Variants in PDZD8 observed in about 807,000 individuals in gnomAD.
The protein encoded by PDZD8 is PDZ domain-containing protein 8.
PDZD8 carries 14 observed loss-of-function variants against 85.8 expected under a neutral mutation model. The observed-to-expected ratio is 0.16, with a 90% CI of 0.11 to 0.26. The LOEUF is 0.26. PDZD8 is among the 10% of genes least tolerant of loss of function. PDZD8 has a pLI of 1.00. For missense variants in PDZD8, 1,197 were observed against 1,424.3 expected (o/e 0.84, Z 2.57); for synonymous variants, 592 against 568.6 (o/e 1.04, Z -0.59).
At chr10:117,332,445 A>G (rs1212910902) in intron 2 of PDZD8, among the ~76,000 whole-genome samples, 1 of 150,842 alleles carries the variant, frequency 6.6e-6, no homozygotes, top group Admixed American at 6.6e-5. Flanking sequence ...CAAAACCTAC[A>G]CTTCTAACAT....
Position 117,302,651 on chromosome 10 carries a change from G to C in PDZD8, c.1099-12303C>G, listed in dbSNP as rs79294935. Reference sequence around the variant, plus strand: ...CCTTGGTATCTGATATGGTTTGGCTGTGTCCCCACCCAAATCTCAACTTGA... The same window carrying C: ...CCTTGGTATCTGATATGGTTTGGCTCTGTCCCCACCCAAATCTCAACTTGA... On this transcript the variant is annotated intron_variant, in intron 3 of 4. Coordinates refer to ENST00000334464, the MANE Select transcript of PDZD8 (RefSeq NM_173791.5). 9.2e-5 allele frequency among the ~76,000 whole-genome samples: 14 copies of C among 152,200 alleles called. No individual in the cohort carries two copies. In the East Asian group the frequency reaches 2.7e-3, roughly 29 times the overall value.
chr10:117,350,255 TGTTTGTTTGTTTC>T (rs1564709189), intron 1 of PDZD8, among the ~76,000 whole-genome samples: 3 of 140,398 alleles, frequency 2.1e-5, no homozygotes, highest in Non-Finnish European at 4.5e-5. Context: ...CTGTTTTTTT[TGTTTGTTTGTTTC>T]TTTTTTTTTT....
Position 117,278,083 on chromosome 10 carries a change from A to C in PDZD8, c.*5185T>G, listed in dbSNP as rs1844524841. ...AAAATTGAGGGTACATGTACCTTAT[A>C]CTGTCAAGGTTGTTTAAACATGATA... On this transcript the variant is annotated 3_prime_UTR_variant, in exon 5 of 5. Coordinates refer to ENST00000334464, the MANE Select transcript of PDZD8 (RefSeq NM_173791.5). 6.6e-6 allele frequency: 1 copy of C among 152,194 alleles called. No individual in the cohort carries two copies. The highest frequency in any genetic ancestry group is 2.4e-5 in the African/African-American group (1 of 41,456). The allele number at this position is 152,194 out of a possible 1,614,324, so 9.4% of individuals were successfully genotyped here.
chr10:117,351,248 AC>A (rs1369498189), intron 1 of PDZD8, among the ~76,000 whole-genome samples: 3 of 152,192 alleles, frequency 2.0e-5, no homozygotes, highest in Non-Finnish European at 4.4e-5. Context: ...TAACAACACT[AC>A]CCATCAACAA....
At position 117,282,570 on chromosome 10, in the gene PDZD8, T is replaced by G. The variant is rs1202894972; in HGVS notation, c.*698A>C. 6.6e-6 allele frequency: 1 copy of G among 152,150 alleles called. No individual in the cohort carries two copies. The highest frequency in any genetic ancestry group is 6.5e-5 in the Admixed American group (1 of 15,272). The allele number at this position is 152,150 out of a possible 1,614,324, so 9.4% of individuals were successfully genotyped here. A position where few individuals can be genotyped will look rare whatever the true frequency, so the allele number is the denominator to read the frequency against. ...TAAGCTCTTCAAATTAATCACCATA[T>G]TTTTACCATACAGCTGCACAAAAGC... On this transcript the variant is annotated 3_prime_UTR_variant, in exon 5 of 5. Transcript: ENST00000334464.
chr10:117,314,760 T>G (rs1306422681), intron 3 of PDZD8, among the ~76,000 whole-genome samples: 2 of 152,192 alleles, frequency 1.3e-5, no homozygotes, highest in Non-Finnish European at 2.9e-5. Flanking sequence ...CCTCTCCATT[T>G]CAAAAGAGGA....
chr10:117,327,169 A>AT, intron 2 of PDZD8, among the ~76,000 whole-genome samples: 1 of 152,332 alleles, frequency 6.6e-6, no homozygotes, highest in Non-Finnish European at 1.5e-5. Flanking sequence ...CATGAATGGC[A>AT]TGTTGAAACT....
rs1431594994 is a variant in PDZD8 at position 117,284,368 on chromosome 10, T to A, written c.2365A>T (p.Ile789Phe). ...TTCAAATATTTGAAGTGAATAGTAATGTCACCATAGCAAAATTTGTCATTG... is the reference window on the plus strand; with the variant it reads ...TTCAAATATTTGAAGTGAATAGTAAAGTCACCATAGCAAAATTTGTCATTG... ...GFNDKFCYGDITIHFKYLKEG... is the reference protein window; with the variant it reads ...GFNDKFCYGDFTIHFKYLKEG... The change falls in exon 5 of 5, where the codon ATT (isoleucine) becomes TTT (phenylalanine). Residue 789 changes from isoleucine to phenylalanine, a missense_variant. By Grantham distance (21) the Ile-to-Phe change is conservative (BLOSUM62 0). Coordinates refer to ENST00000334464, the MANE Select transcript of PDZD8 (RefSeq NM_173791.5). The A allele has an allele frequency of 1.2e-6, 2 of 1,614,094 alleles. No homozygotes were observed. The highest frequency in any genetic ancestry group is 2.7e-5 in the African/African-American group (2 of 74,940).
intron 3 of PDZD8, among the ~76,000 whole-genome samples, chr10:117,308,707 C>T (rs1173346434): frequency 6.6e-6 from 1 of 152,022 alleles, no homozygotes; most frequent in Non-Finnish European, 1.5e-5. Context: ...AGTCACACTG[C>T]CTGGGTTTGC....
intron 1 of PDZD8, among the ~76,000 whole-genome samples, chr10:117,344,616 T>C (rs1564707113): frequency 1.3e-5 from 2 of 152,172 alleles, no homozygotes; most frequent in African/African-American, 2.4e-5. Context: ...CTCTATCTCC[T>C]GACCTCGTGA....
intron 1 of PDZD8, among the ~76,000 whole-genome samples, chr10:117,349,673 C>A (rs919558079): frequency 1.3e-5 from 2 of 152,000 alleles, no homozygotes; most frequent in Non-Finnish European, 2.9e-5. Context: ...CATGGTGGTG[C>A]GCTCCTGTAG....
In PDZD8 at chr10:117,283,406, T is replaced by C. The variant is rs1844600995; in HGVS notation, c.3327A>G (p.Leu1109=). 1.2e-6 allele frequency: 2 copies of C among 1,614,022 alleles called. No individual in the cohort carries two copies. Among genetic ancestry groups the C allele is most frequent in the South Asian group, 2.2e-5 (2 of 91,090 alleles). The part of the protein sequence containing the change: ...EDIETLESLS[L]DQHSKKISKY... ...TGCTTATTTTTTTGGAGTGCTGGTC[T>C]AAAGACAGACTTTCTAAAGTTTCTA... The change falls in exon 5 of 5, where the codon TTA becomes TTG. Residue 1109 remains leucine (L), a synonymous_variant. Coordinates refer to ENST00000334464, the MANE Select transcript of PDZD8 (RefSeq NM_173791.5).
At chr10:117,370,202 C>T (rs1673201887) in intron 1 of PDZD8, among the ~76,000 whole-genome samples, 1 of 152,114 alleles carries the variant, frequency 6.6e-6, no homozygotes, top group Non-Finnish European at 1.5e-5. Context: ...AATCTGTAAA[C>T]ATATTGTCTA....
intron 1 of PDZD8, among the ~76,000 whole-genome samples, chr10:117,353,729 T>C (rs1844845909): frequency 8.8e-6 from 1 of 113,256 alleles, no homozygotes. Context: ...AGTTAATTAC[T>C]GGCTACAGAC....
At position 117,375,069 on chromosome 10, in the gene PDZD8, G is replaced by T. The variant is rs760614799; in HGVS notation, c.159C>A (p.Gly53=). ...CATAAAGGTACTCCCTTAGGAGCAGGCCCGGCACTGGCTTGATGTAGCGGA... is the reference window on the plus strand; with the variant it reads ...CATAAAGGTACTCCCTTAGGAGCAGTCCCGGCACTGGCTTGATGTAGCGGA... ...EGFRYIKPVP[G]LLLREYLYGG... Residue 53 remains glycine, a synonymous_variant, in exon 1 of 5, where the codon GGC becomes GGA. Transcript: ENST00000334464. 14 of 1,600,848 alleles carry T rather than the reference G, an allele frequency of 8.7e-6. No individual in the cohort carries two copies. The highest frequency in any genetic ancestry group is 1.1e-5 in the Non-Finnish European group (13 of 1,176,984).
In PDZD8 at chr10:117,280,211, G is replaced by A. The variant is rs1440824090; in HGVS notation, c.*3057C>T. 1 of 152,086 alleles carries A rather than the reference G, an allele frequency of 6.6e-6. No individual in the cohort carries two copies. The highest frequency in any genetic ancestry group is 2.4e-5 in the African/African-American group (1 of 41,414). 9.4% of individuals were successfully genotyped at this position (152,086 alleles called of 1,614,324 possible). On this transcript the variant is annotated 3_prime_UTR_variant, in exon 5 of 5. Transcript: ENST00000334464. ...TTATGATTGCTAATAATGCTAAAATGTTGCTCAGTTTGTCTAAGCCATTCA... is the reference window on the plus strand; with the variant it reads ...TTATGATTGCTAATAATGCTAAAATATTGCTCAGTTTGTCTAAGCCATTCA...
intron 1 of PDZD8, among the ~76,000 whole-genome samples, chr10:117,343,421 CA>C (rs1211143297): frequency 2.0e-5 from 3 of 152,046 alleles, no homozygotes; most frequent in Non-Finnish European, 2.9e-5. Context: ...AGACTGGCAC[CA>C]AATTTTTAGA....
intron 2 of PDZD8, among the ~76,000 whole-genome samples, chr10:117,332,920 C>A (rs967725096): frequency 1.3e-5 from 2 of 150,920 alleles, no homozygotes; most frequent in African/African-American, 4.9e-5. Flanking sequence ...GAGTTTGAGA[C>A]CAGCCAGGCC....
intron 3 of PDZD8, among the ~76,000 whole-genome samples, chr10:117,313,856 G>C (rs1270795461): frequency 6.6e-6 from 1 of 152,076 alleles, no homozygotes; most frequent in Admixed American, 6.6e-5. Context: ...GACTGTCTCT[G>C]AATCAGGCTT....
Sources: allele counts gnomAD v4.1 joint callset (sites outside exome capture counted in the v4.1 genomes callset), GRCh38; gene constraint gnomAD v4.1.1; transcripts MANE v1.5; gene names NCBI Gene and HGNC (gene_info 2026-07-23, HGNC 2026-07-21).